Variants in FKBP10 observed in about 807,000 individuals in gnomAD.
FKBP10 encodes the protein peptidyl-prolyl cis-trans isomerase FKBP10.
A neutral mutation model predicts 53.7 loss-of-function variants in FKBP10; 34 were observed. The ratio of observed to expected loss-of-function variants is 0.63; its 90% CI spans 0.48 to 0.84. The LOEUF is 0.84. FKBP10 is among the 40% of genes least tolerant of loss of function. The pLI is 0.00. For synonymous variants in FKBP10, 324 were observed against 335.7 expected, an observed-to-expected ratio of 0.97 and a Z score of 0.38; for missense variants, 748 against 797.8, an observed-to-expected ratio of 0.94 and a Z score of 0.75.
At position 41,820,956 on chromosome 17, in the gene FKBP10, CG is replaced by C; in HGVS notation, c.1270del (p.Ala424ProfsTer12). On this transcript the variant is annotated frameshift_variant, in exon 8 of 10. Transcript: ENST00000321562. LOFTEE classifies it high-confidence loss of function. ...GTQLFTSHDYGAPQEATLGAN... is the reference protein window; with the variant it reads ...GTQLFTSHDYXAPQEATLGAN... Reference sequence around the variant, plus strand: ...ATCTGCTCTCCCCCAGGCATGACTACGGGGCCCCCCAGGAGGCGACTCTCGG... The same window carrying C: ...ATCTGCTCTCCCCCAGGCATGACTACGGGCCCCCCAGGAGGCGACTCTCGG... 6.2e-7 allele frequency: 1 copy of C among 1,611,972 alleles called. No homozygotes were observed. Among genetic ancestry groups the C allele is most frequent in the Non-Finnish European group, 8.5e-7 (1 of 1,179,464 alleles).
At chr17:41,820,167 AG>A in intron 6 of FKBP10, 101 bp from the exon 7 acceptor site, 1 of 1,363,848 alleles carries the variant, frequency 7.3e-7, no homozygotes, top group East Asian at 2.3e-5. Flanking sequence ...TTGGATCCTC[AG>A]GGTCGGGAAG....
intron 9 of FKBP10, 119 bp downstream of exon 9, chr17:41,821,936 T>C (rs553621760): frequency 1.6e-6 from 2 of 1,264,518 alleles, no homozygotes; most frequent in Non-Finnish European, 1.1e-6. Flanking sequence ...CTGCCTGCGC[T>C]GAGTCCCACG....
At chr17:41,813,923 T>C (rs1325095408) in intron 1 of FKBP10, among the ~76,000 whole-genome samples, 1 of 152,188 alleles carries the variant, frequency 6.6e-6, no homozygotes, top group Non-Finnish European at 1.5e-5. Context: ...CATTCCTCCC[T>C]CTCTGGTTCT....
chr17:41,818,215 A>C lies in FKBP10; in HGVS notation c.518A>C (p.Asp173Ala). 6.2e-7 allele frequency: 1 copy of C among 1,613,486 alleles called. No individual in the cohort carries two copies. Among genetic ancestry groups the C allele is most frequent in the Non-Finnish European group, 8.5e-7 (1 of 1,180,006 alleles). The change falls in exon 3 of 10, where the codon GAC becomes GCC. Residue 173 changes from aspartate to alanine, a missense_variant. Physicochemically the swap from Asp to Ala is moderately radical, Grantham distance 126. Coordinates refer to ENST00000321562, the MANE Select transcript of FKBP10 (RefSeq NM_021939.4). ...RPPHCPRMVQ[D>A]GDFVRYHYNG... The stretch of plus-strand genomic sequence containing the variant: ...CCCCACTGCCCCCGCATGGTCCAGG[A>C]CGGCGACTTTGTCCGCTACCACTAC...
At chr17:41,818,044 G>T in intron 2 of FKBP10, 45 bp from the exon 3 acceptor site, 2 of 1,545,436 alleles carry the variant, frequency 1.3e-6, no homozygotes, top group Non-Finnish European at 8.8e-7. Flanking sequence ...GATCGTGGTT[G>T]GCAGAGCAGA....
intron 1 of FKBP10, among the ~76,000 whole-genome samples, chr17:41,816,528 T>C (rs1202249074): frequency 6.6e-6 from 1 of 152,078 alleles, no homozygotes; most frequent in African/African-American, 2.4e-5. Flanking sequence ...GCCAATAGTA[T>C]AATGGCAAAT....
Position 41,818,185 on chromosome 17 carries a change from G to T in FKBP10, c.488G>T (p.Arg163Leu). 6.2e-7 allele frequency: 1 copy of T among 1,613,556 alleles called. No homozygotes were observed. The highest frequency in any genetic ancestry group is 8.5e-7 in the Non-Finnish European group (1 of 1,179,982). ...EDTVQVSTLL[R>L]PPHCPRMVQD... ...ACCGTGCAGGTGAGCACATTGCTGCGCCCGCCCCACTGCCCCCGCATGGTC... is the reference window on the plus strand; with the variant it reads ...ACCGTGCAGGTGAGCACATTGCTGCTCCCGCCCCACTGCCCCCGCATGGTC... The change falls in exon 3 of 10, where the codon CGC becomes CTC. Residue 163 changes from arginine (R) to leucine (L), a missense_variant. By Grantham distance (102) the Arg-to-Leu change is moderately radical. Transcript: ENST00000321562.
At position 41,820,392 on chromosome 17, in the gene FKBP10, C is replaced by T; in HGVS notation, c.1187C>T (p.Thr396Ile). The change falls in exon 7 of 10, where the codon ACC (threonine) becomes ATC (isoleucine). Residue 396 changes from threonine to isoleucine, a missense_variant. Coordinates refer to ENST00000321562, the MANE Select transcript of FKBP10 (RefSeq NM_021939.4). ...SRPSETCNET[T>I]KLGDFVRYHY... ...CCATCTGAGACCTGCAATGAGACCA[C>T]CAAGCTTGGGGACTTTGTTCGATAC... The T allele has an allele frequency of 6.2e-7, 1 of 1,614,216 alleles. No homozygotes were observed.
rs782264908 is a variant in FKBP10, at chr17:41,822,382, G to A, written c.1723G>A (p.Glu575Lys). Residue 575 changes from glutamate (E) to lysine (K), a missense_variant, in exon 10 of 10, where the codon GAG becomes AAG. Physicochemically the swap from Glu to Lys is moderately conservative, Grantham distance 56 (BLOSUM62 1). Transcript: ENST00000321562. ...DELKLKSDED[E>K]ERVHEEL ...GCTCAAGCTGAAGTCAGATGAGGAC[G>A]AGGAGCGGGTCCACGAGGAGCTCTG... is the stretch of plus-strand genomic sequence containing the variant. 1.1e-5 allele frequency: 18 copies of A among 1,610,606 alleles called. No homozygotes were observed. Among genetic ancestry groups the A allele is most frequent in the African/African-American group, 2.7e-5 (2 of 74,882 alleles).
At chr17:41,818,828 G>C in intron 4 of FKBP10, 1 of 428,764 alleles carries the variant, frequency 2.3e-6, no homozygotes, top group Non-Finnish European at 4.3e-6. Flanking sequence ...TGGTGGGGGC[G>C]CCTGTAGTCC....
chr17:41,816,950 G>T (rs2047823557), intron 1 of FKBP10, 108 bp from the exon 2 acceptor site: 1 of 1,417,684 alleles, frequency 7.1e-7, no homozygotes, highest in Non-Finnish European at 9.9e-7. Flanking sequence ...TGGCTATAGG[G>T]AGGGGGGATT....
chr17:41,818,382 C>T lies in FKBP10; in HGVS notation c.582C>T (p.Ser194=). The change falls in exon 4 of 10, where the codon AGC becomes AGT. Residue 194 remains serine, a splice_region_variant and synonymous_variant. Transcript: ENST00000321562. ...TLLDGTSFDT[S]YSKGGTYDTY... ...CCCACCTCCACCTCATTTTCTGCAGCTACAGTAAGGGCGGCACTTATGACA... is the reference window on the plus strand; with the variant it reads ...CCCACCTCCACCTCATTTTCTGCAGTTACAGTAAGGGCGGCACTTATGACA... 6.2e-7 allele frequency: 1 copy of T among 1,614,222 alleles called. No homozygotes were observed. Among genetic ancestry groups the T allele is most frequent in the Non-Finnish European group, 8.5e-7 (1 of 1,180,044 alleles).
intron 2 of FKBP10, 79 bp from the exon 3 acceptor site, chr17:41,818,010 G>C: frequency 7.1e-7 from 1 of 1,412,620 alleles, no homozygotes; most frequent in Non-Finnish European, 9.7e-7. Context: ...ATGAGAGGAA[G>C]GGGAATAACA....
intron 4 of FKBP10, chr17:41,818,737 G>A: frequency 1.6e-6 from 1 of 618,438 alleles, no homozygotes. Flanking sequence ...GGAAGCCAAG[G>A]CGGGAGGATC....
chr17:41,813,802 A>G (rs1009045210), intron 1 of FKBP10, among the ~76,000 whole-genome samples: 2 of 152,064 alleles, frequency 1.3e-5, no homozygotes, highest in Non-Finnish European at 2.9e-5. Context: ...GCTGGTGGGT[A>G]TTATAAGAAG....
chr17:41,820,720 G>A (rs1055405952), intron 7 of FKBP10: 17 of 685,860 alleles, frequency 2.5e-5, no homozygotes, highest in African/African-American at 1.8e-4. Context: ...GGAAACTGAC[G>A]CAGGGAGCCA....
intron 1 of FKBP10, among the ~76,000 whole-genome samples, chr17:41,814,555 A>C (rs1283071660): frequency 1.3e-5 from 2 of 152,218 alleles, no homozygotes; most frequent in Non-Finnish European, 1.5e-5. Flanking sequence ...CCTTCATAAC[A>C]ACACTGAGAA....
At chr17:41,821,939 G>A in intron 9 of FKBP10, 122 bp downstream of exon 9, 1 of 1,239,304 alleles carries the variant, frequency 8.1e-7, no homozygotes, top group Non-Finnish European at 1.2e-6. Context: ...CCTGCGCTGA[G>A]TCCCACGCCT....
intron 1 of FKBP10, among the ~76,000 whole-genome samples, chr17:41,814,944 C>T (rs1456054640): frequency 6.6e-6 from 1 of 152,124 alleles, no homozygotes; most frequent in African/African-American, 2.4e-5. Context: ...CACAGTCTCA[C>T]ACTGTTGCCT....
Sources: gnomAD v4.1 joint callset for allele counts (sites outside exome capture counted in the v4.1 genomes callset) on GRCh38, gnomAD v4.1.1 for gene constraint, MANE v1.5 for transcripts, NCBI Gene and HGNC (gene_info 2026-07-23, HGNC 2026-07-21) for gene names.